The following TNK2 variants were observed in gnomAD, a reference collection of about 807,000 sequenced individuals.
The protein encoded by TNK2 is tyrosine kinase non receptor 2.
A neutral mutation model predicts 101.8 loss-of-function variants in TNK2; 83 were observed. That is an observed-to-expected ratio of 0.82 (90% CI 0.68 to 0.98). The LOEUF (loss-of-function observed/expected upper bound fraction) is 0.98. TNK2 is among the 50% of genes least tolerant of loss of function. The pLI, the probability that TNK2 is intolerant of heterozygous loss-of-function variation, is 0.00. For missense variants in TNK2, 1,665 were observed against 1,483.2 expected, an observed-to-expected ratio of 1.12 and a Z score of -2.01; for synonymous variants, 804 against 633.0, an observed-to-expected ratio of 1.27 and a Z score of -4.06.
chr3:195,868,159 G>C lies in TNK2; in HGVS notation c.2139C>G (p.Pro713=), dbSNP rs772347224. 1 of 1,610,794 alleles carries C rather than the reference G, an allele frequency of 6.2e-7. No homozygotes were observed. The highest frequency in any genetic ancestry group is 1.1e-5 in the South Asian group (1 of 90,870). Reference sequence around the variant, plus strand: ...AGATCTCTGCGGTCTGTGCGGAGCTGGGCGGCTTGCCCCCACCCTGGGGCG... The same window carrying C: ...AGATCTCTGCGGTCTGTGCGGAGCTCGGCGGCTTGCCCCCACCCTGGGGCG... ...FLPPQGGGKP[P]SSAQTAEIFQ... is the part of the protein sequence containing the mutation. Residue 713 remains proline (P), a synonymous_variant, in exon 13 of 16, where the codon CCC becomes CCG. Transcript: ENST00000672887.
chr3:195,876,213 G>GACAC (rs1749156796), intron 9 of TNK2, among the ~76,000 whole-genome samples: 1 of 152,216 alleles, frequency 6.6e-6, no homozygotes. Flanking sequence ...TCCAAATCTA[G>GACAC]ACACAGCACG....
At position 195,868,642 on chromosome 3, in the gene TNK2, C is replaced by A; in HGVS notation, c.1656G>T (p.Leu552=). ...PLSSDFKRLG[L]RKPGLPRGLW... ...GCCCTCGGGGCAGGCCTGGCTTCCG[C>A]AGGCCCAGCCTCTTGAAGTCGCTGG... The change falls in exon 13 of 16, where the codon CTG becomes CTT. Residue 552 remains leucine, a synonymous_variant. Transcript: ENST00000672887. The A allele has an allele frequency of 6.3e-7, 1 of 1,593,898 alleles. No individual in the cohort carries two copies. The highest frequency in any genetic ancestry group is 1.7e-5 in the Admixed American group (1 of 59,426).
chr3:195,888,027 C>T lies in TNK2; in HGVS notation c.163+399G>A, dbSNP rs934209290. 1.3e-5 allele frequency among the ~76,000 whole-genome samples: 2 copies of T among 152,066 alleles called. No individual in the cohort carries two copies. The highest frequency in any genetic ancestry group is 6.6e-5 in the Admixed American group (1 of 15,258). On this transcript the variant is annotated intron_variant, in intron 2 of 15. Coordinates refer to ENST00000672887, the MANE Select transcript of TNK2 (RefSeq NM_001382273.1). The surrounding 1 kb of genome is among the most constrained non-coding windows in gnomAD (Gnocchi z 5.3). ...GCGTGTGAGAGAGCAAGAAAGAGAG[C>T]GTGAGCACGAATCAGCAAACCATCT...
rs1400770876 is a variant in TNK2, at chr3:195,885,734, C to T, written c.235-701G>A. On this transcript the variant is annotated intron_variant, in intron 3 of 15. Transcript: ENST00000672887. This position sits in a 1 kb window ranked among gnomAD's most constrained non-coding sequence, Gnocchi z 4.7. ...GAGGCCAGGGTGGACAGGGAGGAGCCGAAGGTCAAGGGACAGAAGAAAGGA... is the reference window on the plus strand; with the variant it reads ...GAGGCCAGGGTGGACAGGGAGGAGCTGAAGGTCAAGGGACAGAAGAAAGGA... 1 of 507,222 alleles carries T rather than the reference C, an allele frequency of 2.0e-6. No homozygotes were observed. The highest frequency in any genetic ancestry group is 7.1e-5 in the East Asian group (1 of 14,098). The allele number at this position is 507,222 out of a possible 1,614,324, so 31.4% of individuals were successfully genotyped here.
chr3:195,893,859 C>G (rs1220834212), intron 1 of TNK2, among the ~76,000 whole-genome samples: 1 of 152,182 alleles, frequency 6.6e-6, no homozygotes, highest in African/African-American at 2.4e-5. Context: ...ATCCCAGGCT[C>G]CCTTCCCAGG....
intron 14 of TNK2, 38 bp from the exon 15 acceptor site, chr3:195,867,054 G>A (rs765978124): frequency 1.9e-6 from 3 of 1,611,486 alleles, no homozygotes; most frequent in Non-Finnish European, 2.5e-6. Flanking sequence ...CGCGGGCCCA[G>A]GGCACCGACT....
Position 195,867,909 on chromosome 3 carries a change from C to T in TNK2, c.2389G>A (p.Glu797Lys), listed in dbSNP as rs201891176. Residue 797 changes from glutamate to lysine, a missense_variant, in exon 13 of 16, where the codon GAG (glutamate) becomes AAG (lysine). By Grantham distance (56) the Glu-to-Lys change is moderately conservative. This residue lies in a region of TNK2 where 1,136 missense variants were observed against 894.9 expected (regional missense o/e 1.27). Transcript: ENST00000672887. ...PASPPRVPPR[E>K]PLSPQGSRTP... ...CTCGAGCCTTGAGGGGACAGGGGCT[C>T]CCGCGGAGGCACCCGGGGAGGGGAA... 6.5e-7 allele frequency: 1 copy of T among 1,530,374 alleles called. No individual in the cohort carries two copies. The allele number at this position is 1,530,374 out of a possible 1,614,324, so 94.8% of individuals were successfully genotyped here.
chr3:195,875,954 A>G (rs1748967872), intron 9 of TNK2, among the ~76,000 whole-genome samples: 1 of 152,172 alleles, frequency 6.6e-6, no homozygotes, highest in Non-Finnish European at 1.5e-5. Context: ...GAAATGGCTC[A>G]ACTAATGCCG....
chr3:195,876,684 G>A (rs1560501138), intron 9 of TNK2: 4 of 453,086 alleles, frequency 8.8e-6, no homozygotes, highest in Non-Finnish European at 1.8e-5. Context: ...GGGGGAAGGA[G>A]CCCCCAGAGC....
intron 1 of TNK2, chr3:195,895,350 G>T (rs775136347): frequency 1.3e-6 from 2 of 1,562,102 alleles, no homozygotes; most frequent in South Asian, 2.3e-5. Flanking sequence ...AGCGCCCGCA[G>T]CCCCCGCCCC....
intron 10 of TNK2, chr3:195,870,433 T>C: frequency 7.3e-7 from 1 of 1,377,294 alleles, no homozygotes; most frequent in Non-Finnish European, 9.6e-7. Flanking sequence ...GCCTAGGACC[T>C]CAGGGACTCC....
intron 1 of TNK2, among the ~76,000 whole-genome samples, chr3:195,907,275 G>C (rs947867335): frequency 6.6e-6 from 1 of 152,226 alleles, no homozygotes; most frequent in Non-Finnish European, 1.5e-5. Context: ...GTGGCAGCGC[G>C]ACAGGCATGG....
Position 195,866,771 on chromosome 3 carries a change from G to C in TNK2, c.3161+118C>G. The stretch of plus-strand genomic sequence containing the variant: ...TGAGCGCCTCCCTCCCGCAGCTGGA[G>C]AGCTGTGTCTCCCTGGCCGGGAGCG... On this transcript the variant is annotated intron_variant, in intron 15 of 15. Transcript: ENST00000672887. 2.1e-6 allele frequency: 3 copies of C among 1,418,212 alleles called. No homozygotes were observed. The Admixed American group carries it at 7.4e-5, about 35-fold the overall frequency. 87.9% of individuals were successfully genotyped at this position (1,418,212 alleles called of 1,614,324 possible). A position where few individuals can be genotyped will look rare whatever the true frequency, so the allele number is the denominator to read the frequency against.
In TNK2 at chr3:195,883,350, G is replaced by A. The variant is rs200615909; in HGVS notation, c.457-41C>T. On this transcript the variant is annotated intron_variant, in intron 4 of 15. Transcript: ENST00000672887. ...TTTGCAAGGACTCAGGACTTGCCAG[G>A]TCCCAGACACGCGGAGCCAACCTGC... 571 of 1,607,196 alleles carry A rather than the reference G, an allele frequency of 3.6e-4. 3 individuals are homozygous for A. The highest frequency in any genetic ancestry group is 1.6e-3 in the South Asian group (148 of 91,024).
chr3:195,897,829 A>ACCCCCCCCC (rs1760799360), intron 1 of TNK2, among the ~76,000 whole-genome samples: 1 of 13,246 alleles, frequency 7.5e-5, no homozygotes, highest in Non-Finnish European at 1.8e-4. Context: ...CCCCCCCCCC[A>ACCCCCCCCC]CCCCCCGCCC....
In TNK2 at chr3:195,904,381, C is replaced by T. The variant is rs566796518; in HGVS notation, c.-19+4104G>A. On this transcript the variant is annotated intron_variant, in intron 1 of 15. Transcript: ENST00000672887. ...AAGAAGAAAATTCTGACATATGCTG[C>T]AATGTAAATGAACCTTGAATACGCT... Among the ~76,000 whole-genome samples, 7 of 151,922 alleles carry T rather than the reference C, an allele frequency of 4.6e-5. No homozygotes were observed. In the South Asian group the frequency reaches 1.5e-3, roughly 32 times the overall value.
chr3:195,888,744 C>G lies in TNK2; in HGVS notation c.-18-138G>C, dbSNP rs1038483128. On this transcript the variant is annotated intron_variant, in intron 1 of 15. Transcript: ENST00000672887. The surrounding 1 kb of genome is among the most constrained non-coding windows in gnomAD (Gnocchi z 5.3). The stretch of plus-strand genomic sequence containing the variant: ...ACCACCTTCTGACTCCCGAGGGAAG[C>G]TACCGAGAACCGCCTGGACCCACGT... 1.7e-5 allele frequency: 14 copies of G among 824,284 alleles called. 1 individual carries two copies. In the South Asian group the frequency reaches 2.6e-4, roughly 15 times the overall value. 51.1% of individuals were successfully genotyped at this position (824,284 alleles called of 1,614,324 possible). A position where few individuals can be genotyped will look rare whatever the true frequency, so the allele number is the denominator to read the frequency against.
chr3:195,892,762 A>G (rs1759092588), intron 1 of TNK2: 1 of 1,230,102 alleles, frequency 8.1e-7, no homozygotes, highest in South Asian at 3.1e-5. Context: ...GTCCAGCCCT[A>G]CTCCCCGGCT....
intron 5 of TNK2, 151 bp downstream of exon 5, chr3:195,883,006 T>G (rs1010250244): frequency 6.9e-6 from 6 of 869,172 alleles, no homozygotes; most frequent in Non-Finnish European, 8.7e-6. Flanking sequence ...CGTACCAGGC[T>G]GGGCCCCTGT....
Sources: gnomAD v4.1 joint callset for allele counts (sites outside exome capture counted in the v4.1 genomes callset) on GRCh38, gnomAD v4.1.1 for gene constraint, gnomAD v4.1.1 regional missense constraint, Gnocchi (gnomAD v3.1) non-coding constraint, MANE v1.5 for transcripts, NCBI Gene and HGNC (gene_info 2026-07-23, HGNC 2026-07-21) for gene names.